The following FDFT1 variants were observed in gnomAD, a reference collection of about 807,000 sequenced individuals.
FDFT1 encodes the protein farnesyl-diphosphate farnesyltransferase 1.
In FDFT1, 68 loss-of-function variants were observed where a neutral mutation model predicts 46.8. The ratio of observed to expected loss-of-function variants is 1.45; its 90% CI spans 1.19 to 1.78. The LOEUF is 1.78. Among genes scored for constraint, FDFT1 ranks in the 40% most tolerant of loss-of-function variants. FDFT1 has a pLI of 0.00. For synonymous variants in FDFT1, 351 were observed against 185.1 expected (o/e 1.90, Z -7.28); for missense variants, 928 against 524.4 (o/e 1.77, Z -7.52).
chr8:11,818,944 G>C (rs993117640), intron 3 of FDFT1, among the ~76,000 whole-genome samples: 2 of 152,142 alleles, frequency 1.3e-5, no homozygotes, highest in Non-Finnish European at 2.9e-5. Flanking sequence ...TTTCTTCCTA[G>C]CCTCGATGGT....
intron 1 of FDFT1, among the ~76,000 whole-genome samples, chr8:11,806,728 C>G (rs1806890624): frequency 6.6e-6 from 1 of 152,158 alleles, no homozygotes; most frequent in African/African-American, 2.4e-5. Context: ...TGCTCTGGAG[C>G]TCAGTCCAGA....
chr8:11,799,243 A>G (rs1317950032), upstream of FDFT1, among the ~76,000 whole-genome samples: 3 of 152,244 alleles, frequency 2.0e-5, no homozygotes, highest in Admixed American at 2.0e-4. Flanking sequence ...CGGTCTTATC[A>G]GGAGAAAGTT....
intron 3 of FDFT1, among the ~76,000 whole-genome samples, chr8:11,815,221 A>G (rs1585910063): frequency 6.6e-6 from 1 of 152,278 alleles, no homozygotes; most frequent in East Asian, 1.9e-4. Flanking sequence ...ATGGCTGTGT[A>G]GTATTCCATG....
At position 11,836,152 on chromosome 8, in the gene FDFT1, TA is replaced by T. The variant is rs34824501; in HGVS notation, c.1033-2221del. On this transcript the variant is annotated intron_variant, in intron 7 of 7. Coordinates refer to ENST00000220584, the MANE Select transcript of FDFT1 (RefSeq NM_004462.5). ...TGGGTGACAGAGCGAGACACCATCT[TA>T]AAAAAAAAAAAAAATCTACAATATA... 2.0e-3 allele frequency among the ~76,000 whole-genome samples: 284 copies of T among 143,596 alleles called. 1 individual carries two copies. The highest frequency in any genetic ancestry group is 5.5e-3 in the African/African-American group (212 of 38,872). 94.2% of individuals were successfully genotyped at this position (143,596 alleles called of 152,430 possible). A position where few individuals can be genotyped will look rare whatever the true frequency, so the allele number is the denominator to read the frequency against.
At chr8:11,838,255 T>G (rs976060505) in intron 7 of FDFT1, 133 bp from the exon 8 acceptor site, 5 of 709,770 alleles carry the variant, frequency 7.0e-6, no homozygotes, top group African/African-American at 3.5e-5. Flanking sequence ...TAAGTTATGT[T>G]CATGTTCTCT....
At chr8:11,799,686 G>A (rs915455907), upstream of FDFT1, among the ~76,000 whole-genome samples, 11 of 151,276 alleles carry the variant, frequency 7.3e-5, no homozygotes, top group African/African-American at 2.4e-4. Flanking sequence ...CGTGGCTCAC[G>A]CCTGTAATCC....
chr8:11,811,602 C>G (rs895690856), intron 3 of FDFT1, among the ~76,000 whole-genome samples: 1 of 152,148 alleles, frequency 6.6e-6, no homozygotes, highest in Non-Finnish European at 1.5e-5. Flanking sequence ...ATACAGTGTT[C>G]CAGTGGAAAA....
intron 2 of FDFT1, chr8:11,809,133 CT>C (rs1352150585): frequency 5.3e-6 from 7 of 1,319,874 alleles, no homozygotes; most frequent in Non-Finnish European, 5.8e-6. Context: ...TGTTTATTAA[CT>C]TTTTTTAGTC....
chr8:11,802,220 C>T (rs970187422), upstream of FDFT1: 1 of 397,118 alleles, frequency 2.5e-6, no homozygotes, highest in Non-Finnish European at 4.9e-6. Context: ...AGTAAAGACG[C>T]CCAGCTTGGC....
Position 11,838,771 on chromosome 8 carries a change from C to A in FDFT1, c.*162C>A, listed in dbSNP as rs1157516035. ...GAAAGTGAAATGCAGGTGAGAAGAA[C>A]CTAAACATGAAAGGAAAGGGTGCCT... On this transcript the variant is annotated 3_prime_UTR_variant, in exon 8 of 8. Transcript: ENST00000220584. The A allele has an allele frequency of 3.6e-5, 23 of 642,102 alleles. No homozygotes were observed. In the East Asian group the frequency reaches 6.4e-4, roughly 18 times the overall value. 39.8% of individuals were successfully genotyped at this position (642,102 alleles called of 1,614,324 possible). A position where few individuals can be genotyped will look rare whatever the true frequency, so the allele number is the denominator to read the frequency against.
At chr8:11,815,792 C>T (rs919351767) in intron 3 of FDFT1, among the ~76,000 whole-genome samples, 2 of 152,078 alleles carry the variant, frequency 1.3e-5, no homozygotes, top group African/African-American at 2.4e-5. Flanking sequence ...GGATAAATTA[C>T]AAAAATTTTC....
upstream of FDFT1, chr8:11,802,528 C>G: frequency 1.8e-6 from 1 of 542,564 alleles, no homozygotes; most frequent in South Asian, 1.5e-5. Context: ...TCTCGGCCTC[C>G]AATGAGCTTC....
At chr8:11,819,778 G>A (rs567895874) in intron 3 of FDFT1, among the ~76,000 whole-genome samples, 8 of 152,130 alleles carry the variant, frequency 5.3e-5, no homozygotes, top group African/African-American at 1.9e-4. Flanking sequence ...GTTTCCTTGC[G>A]ATCGGTCAGA....
chr8:11,813,952 T>G (rs1489594924), intron 3 of FDFT1, among the ~76,000 whole-genome samples: 1 of 152,266 alleles, frequency 6.6e-6, no homozygotes, highest in Non-Finnish European at 1.5e-5. Flanking sequence ...CATTGTCACT[T>G]TCTCCTGTAT....
At chr8:11,815,459 T>G (rs1808318529) in intron 3 of FDFT1, among the ~76,000 whole-genome samples, 1 of 152,228 alleles carries the variant, frequency 6.6e-6, no homozygotes, top group Non-Finnish European at 1.5e-5. Context: ...TCTTCCACAA[T>G]GGTTGAACTA....
At chr8:11,803,250 T>C (rs1806371672) in intron 1 of FDFT1, 3 of 1,369,624 alleles carry the variant, frequency 2.2e-6, no homozygotes, top group Admixed American at 2.2e-5. Flanking sequence ...GGGTTACACA[T>C]CTGAGGCAAT....
intron 3 of FDFT1, among the ~76,000 whole-genome samples, chr8:11,816,223 G>T (rs1585914417): frequency 6.6e-6 from 1 of 152,228 alleles, no homozygotes; most frequent in East Asian, 1.9e-4. Flanking sequence ...TTCCATTGGT[G>T]TACATATCTG....
rs759485829 is a variant in FDFT1, at chr8:11,803,092, G to T, written c.99+161G>T. 1.4e-4 allele frequency: 199 copies of T among 1,438,872 alleles called. 2 individuals carry two copies. In the Middle Eastern group the frequency reaches 3.0e-3, roughly 22 times the overall value. The allele number at this position is 1,438,872 out of a possible 1,614,324, so 89.1% of individuals were successfully genotyped here. On this transcript the variant is annotated intron_variant, in intron 1 of 7. Transcript: ENST00000220584. Reference sequence around the variant, plus strand: ...TTTCCTCGAGCCTTCCCCCTGTAGGGCCCGGGTGGACGCGGCCGTCCTGGC... The same window carrying T: ...TTTCCTCGAGCCTTCCCCCTGTAGGTCCCGGGTGGACGCGGCCGTCCTGGC...
At chr8:11,823,261 T>A (rs1809509927) in intron 4 of FDFT1, among the ~76,000 whole-genome samples, 1 of 152,186 alleles carries the variant, frequency 6.6e-6, no homozygotes, top group Non-Finnish European at 1.5e-5. Context: ...TTCAAGGAGT[T>A]ATTTTTTTTC....
Sources: allele counts gnomAD v4.1 joint callset (sites outside exome capture counted in the v4.1 genomes callset), GRCh38; gene constraint gnomAD v4.1.1; transcripts MANE v1.5; gene names NCBI Gene and HGNC (gene_info 2026-07-23, HGNC 2026-07-21).